The following SLC37A1 variants were observed in gnomAD, a reference collection of about 807,000 sequenced individuals.
SLC37A1 encodes solute carrier family 37 member 1.
Under a neutral mutation model 75.3 loss-of-function variants are expected in SLC37A1, and 49 were observed. The observed-to-expected ratio is 0.65, with a 90% CI of 0.52 to 0.83. The LOEUF is 0.83. SLC37A1 is among the 40% of genes least tolerant of loss of function. The pLI is 0.00. For missense variants in SLC37A1, 566 were observed against 695.0 expected, an observed-to-expected ratio of 0.81 and a Z score of 2.09; for synonymous variants, 268 against 292.1, an observed-to-expected ratio of 0.92 and a Z score of 0.84.
chr21:42,533,655 A>G (rs970028858), intron 3 of SLC37A1, among the ~76,000 whole-genome samples: 3 of 151,814 alleles, frequency 2.0e-5, no homozygotes, highest in African/African-American at 7.3e-5. Context: ...CTCCCGACAC[A>G]TGAGCTTTCC....
intron 11 of SLC37A1, among the ~76,000 whole-genome samples, chr21:42,559,548 C>T (rs2055774032): frequency 6.6e-6 from 1 of 152,228 alleles, no homozygotes; most frequent in Non-Finnish European, 1.5e-5. Context: ...TGCGCCGTGG[C>T]CTTCGCGAGC....
intron 17 of SLC37A1, among the ~76,000 whole-genome samples, chr21:42,572,850 C>G (rs1331814070): frequency 6.6e-6 from 1 of 151,962 alleles, no homozygotes; most frequent in Non-Finnish European, 1.5e-5. Context: ...TTGGGGTGTT[C>G]CCCAGACACA....
chr21:42,554,722 C>T (rs757359129), intron 10 of SLC37A1, among the ~76,000 whole-genome samples: 4 of 152,160 alleles, frequency 2.6e-5, no homozygotes, highest in Admixed American at 6.5e-5. Flanking sequence ...TGAGGAATTC[C>T]GGACACAGAA....
At chr21:42,512,222 G>A (rs1433553759), upstream of SLC37A1, among the ~76,000 whole-genome samples, 1 of 115,928 alleles carries the variant, frequency 8.6e-6, no homozygotes, top group Non-Finnish European at 1.7e-5. Context: ...GTACAACTGG[G>A]TGGGGGGGAG....
intron 2 of SLC37A1, among the ~76,000 whole-genome samples, chr21:42,508,175 C>T (rs557058447): frequency 7.5e-6 from 1 of 132,694 alleles, no homozygotes; most frequent in South Asian, 2.4e-4. Context: ...GTTGCCCAGG[C>T]TGGAGTGCAA....
chr21:42,549,675 T>C (rs908951716), intron 9 of SLC37A1, among the ~76,000 whole-genome samples: 4 of 152,196 alleles, frequency 2.6e-5, no homozygotes, highest in African/African-American at 9.7e-5. Context: ...CTGAGGGCAG[T>C]TTGGCCAATG....
intron 9 of SLC37A1, 89 bp from the exon 10 acceptor site, chr21:42,553,973 G>A (rs561939900): frequency 5.8e-5 from 62 of 1,071,958 alleles, no homozygotes; most frequent in East Asian, 1.0e-4. Flanking sequence ...TTTTTGGGAC[G>A]ATAGTAAGTA....
intron 7 of SLC37A1, 99 bp from the exon 8 acceptor site, chr21:42,543,337 G>A (rs17115062): frequency 0.082 from 115,160 of 1,398,268 alleles, 6,578 homozygotes; most frequent in African/African-American, 0.28. Flanking sequence ...TTGATTCTGC[G>A]CCGACTCCCT....
intron 3 of SLC37A1, among the ~76,000 whole-genome samples, chr21:42,533,096 GA>G (rs1401313518): frequency 4.6e-5 from 7 of 152,232 alleles, no homozygotes; most frequent in Non-Finnish European, 8.8e-5. Context: ...CCCTCCTGAA[GA>G]GGGGGGGCAG....
rs1000841941 is a variant in SLC37A1, at chr21:42,514,145, C to T, written c.-751C>T. 1.3e-5 allele frequency: 2 copies of T among 151,880 alleles called. No individual in the cohort carries two copies. The highest frequency in any genetic ancestry group is 4.8e-5 in the African/African-American group (2 of 41,382). The allele number at this position is 151,880 out of a possible 1,614,324, so 9.4% of individuals were successfully genotyped here. ...GCTGGTTTGGATGTTTTCCGAGAGCCGGGGACGGTCTCAAGCTATTTTCGC... is the reference window on the plus strand; with the variant it reads ...GCTGGTTTGGATGTTTTCCGAGAGCTGGGGACGGTCTCAAGCTATTTTCGC... On this transcript the variant is annotated 5_prime_UTR_variant, in exon 1 of 20. Coordinates refer to ENST00000352133, the MANE Select transcript of SLC37A1 (RefSeq NM_001320537.2). This position sits in a 1 kb window ranked among gnomAD's most constrained non-coding sequence, Gnocchi z 4.8.
intron 10 of SLC37A1, among the ~76,000 whole-genome samples, chr21:42,556,610 T>C (rs575266031): frequency 2.6e-5 from 4 of 152,316 alleles, no homozygotes; most frequent in Non-Finnish European, 5.9e-5. Context: ...TGGAGTGCAC[T>C]GGCCACAGAA....
At position 42,552,970 on chromosome 21, in the gene SLC37A1, TG is replaced by T; in HGVS notation, c.769-1091del. Among the ~76,000 whole-genome samples, 1 of 152,336 alleles carries T rather than the reference TG, an allele frequency of 6.6e-6. No individual in the cohort carries two copies. Among genetic ancestry groups the T allele is most frequent in the South Asian group, 2.1e-4 (1 of 4,828 alleles). On this transcript the variant is annotated intron_variant, in intron 9 of 19. Coordinates refer to ENST00000352133, the MANE Select transcript of SLC37A1 (RefSeq NM_001320537.2). The surrounding 1 kb of genome is among the most constrained non-coding windows in gnomAD (Gnocchi z 4.2). Reference sequence around the variant, plus strand: ...GCCCTCCCTCTGAGCACAAAACAAATGTATTTTTAAAGGTGTTTTGTTACAT... The same window carrying T: ...GCCCTCCCTCTGAGCACAAAACAAATTATTTTTAAAGGTGTTTTGTTACAT...
chr21:42,554,238 T>C, intron 10 of SLC37A1, 96 bp downstream of exon 10: 7 of 1,035,048 alleles, frequency 6.8e-6, no homozygotes, highest in Non-Finnish European at 9.9e-6. Flanking sequence ...CTATGTGACA[T>C]GTGTCACAAA....
At chr21:42,508,356 T>G (rs972310080) in intron 2 of SLC37A1, among the ~76,000 whole-genome samples, 1 of 152,162 alleles carries the variant, frequency 6.6e-6, no homozygotes, top group African/African-American at 2.4e-5. Context: ...CTCGAATTCC[T>G]GACCTCAGGT....
intron 2 of SLC37A1, among the ~76,000 whole-genome samples, chr21:42,506,778 C>T (rs2054387040): frequency 1.3e-5 from 2 of 152,098 alleles, no homozygotes; most frequent in African/African-American, 4.8e-5. Context: ...TTCCAAGTCC[C>T]ATGCCTTTTT....
intron 2 of SLC37A1, among the ~76,000 whole-genome samples, chr21:42,507,367 A>G (rs1210430744): frequency 6.6e-6 from 1 of 152,226 alleles, no homozygotes; most frequent in Non-Finnish European, 1.5e-5. Flanking sequence ...TGAGGTCTTC[A>G]GTGTAGGCTG....
chr21:42,509,742 C>A (rs8126600), upstream of SLC37A1: 49,224 of 152,128 alleles, frequency 0.32, 9,474 homozygotes, highest in Admixed American at 0.54. The surrounding 1 kb of genome is among the most constrained non-coding windows in gnomAD (Gnocchi z 4.2). Flanking sequence ...GTGCACCATA[C>A]CATTAGAATT....
rs747974337 is a variant in SLC37A1, at chr21:42,564,140, T to C, written c.1135+263T>C. On this transcript the variant is annotated intron_variant, in intron 13 of 19. Coordinates refer to ENST00000352133, the MANE Select transcript of SLC37A1 (RefSeq NM_001320537.2). ...GGGGCTCATGCCTGTTATCCAGCAC[T>C]GTGGGATGCTGAGTTGGGAGGATCG... 4.6e-4 allele frequency among the ~76,000 whole-genome samples: 67 copies of C among 146,436 alleles called. 1 individual carries two copies. The highest frequency in any genetic ancestry group is 7.4e-4 in the Non-Finnish European group (50 of 67,460).
intron 18 of SLC37A1, chr21:42,575,315 A>G: frequency 1.0e-6 from 1 of 985,448 alleles, no homozygotes; most frequent in East Asian, 1.1e-4. Context: ...TGATACACAG[A>G]GCCTGGCCTC....
Sources: allele counts gnomAD v4.1 joint callset (sites outside exome capture counted in the v4.1 genomes callset), GRCh38; gene constraint gnomAD v4.1.1; non-coding constraint Gnocchi (gnomAD v3.1); transcripts MANE v1.5; gene names NCBI Gene and HGNC (gene_info 2026-07-23, HGNC 2026-07-21).